The following PDLIM1 variants were observed in gnomAD, a reference collection of about 807,000 sequenced individuals.
The protein encoded by PDLIM1 is PDZ and LIM domain protein 1.
A neutral mutation model predicts 35.2 loss-of-function variants in PDLIM1; 25 were observed. That is an observed-to-expected ratio of 0.71 (90% CI 0.52 to 0.99). The LOEUF is 0.99. Ranked by LOEUF, PDLIM1 falls within the 50% of genes least tolerant of loss-of-function variation. The pLI is 0.00. For missense variants in PDLIM1, 363 were observed against 415.3 expected, an observed-to-expected ratio of 0.87 and a Z score of 1.09; for synonymous variants, 152 against 154.0, an observed-to-expected ratio of 0.99 and a Z score of 0.10.
At chr10:95,262,980 C>CA (rs1008741778) in intron 4 of PDLIM1, among the ~76,000 whole-genome samples, 1 of 151,274 alleles carries the variant, frequency 6.6e-6, no homozygotes, top group Non-Finnish European at 1.5e-5. Context: ...CCAATCTCTA[C>CA]AAAAAAAAGT....
chr10:95,281,925 C>G (rs779734180), intron 1 of PDLIM1, among the ~76,000 whole-genome samples: 2 of 148,516 alleles, frequency 1.3e-5, no homozygotes, highest in African/African-American at 5.2e-5. Flanking sequence ...CCTGGCACTT[C>G]TCTCTCTTTC....
intron 5 of PDLIM1, among the ~76,000 whole-genome samples, chr10:95,245,883 G>C (rs944351572): frequency 7.9e-5 from 12 of 152,166 alleles, no homozygotes; most frequent in African/African-American, 2.9e-4. Flanking sequence ...ATCAGAAAGG[G>C]CTCCCCAGGA....
chr10:95,242,450 A>G (rs2035186723), intron 5 of PDLIM1, among the ~76,000 whole-genome samples: 1 of 151,966 alleles, frequency 6.6e-6, no homozygotes, highest in Non-Finnish European at 1.5e-5. Flanking sequence ...ACTTTGGAAG[A>G]CCAAGGCGGG....
chr10:95,290,731 T>TCCGTCC lies in PDLIM1; in HGVS notation c.96+83_96+88dup. On this transcript the variant is annotated intron_variant, in intron 1 of 6. Coordinates refer to ENST00000329399, the MANE Select transcript of PDLIM1 (RefSeq NM_020992.4). The surrounding 1 kb of genome is among the most constrained non-coding windows in gnomAD (Gnocchi z 4.7). Reference sequence around the variant, plus strand: ...GGACGCGCCCGGCTGCGGTTCCGACTCCGTCCCCGACCGCGCCCGCGGGGC... The same window carrying TCCGTCC: ...GGACGCGCCCGGCTGCGGTTCCGACTCCGTCCCCGTCCCCGACCGCGCCCGCGGGGC... The TCCGTCC allele has an allele frequency of 1.2e-6, 1 of 841,896 alleles. No individual in the cohort carries two copies. Among genetic ancestry groups the TCCGTCC allele is most frequent in the Non-Finnish European group, 1.7e-6 (1 of 577,726 alleles). The allele number at this position is 841,896 out of a possible 1,614,324, so 52.2% of individuals were successfully genotyped here.
At chr10:95,254,724 C>G (rs2035295850) in intron 4 of PDLIM1, among the ~76,000 whole-genome samples, 2 of 152,044 alleles carry the variant, frequency 1.3e-5, no homozygotes, top group Admixed American at 6.6e-5. Context: ...CGAGACCAGC[C>G]TGGGAAACAT....
chr10:95,247,108 T>A, intron 5 of PDLIM1, 107 bp downstream of exon 5: 1 of 906,664 alleles, frequency 1.1e-6, no homozygotes, highest in Non-Finnish European at 1.7e-6. Context: ...TAAAAGCCCA[T>A]GCCCTCCAAA....
intron 1 of PDLIM1, among the ~76,000 whole-genome samples, chr10:95,287,867 G>A (rs1361479577): frequency 6.6e-6 from 1 of 151,602 alleles, no homozygotes; most frequent in African/African-American, 2.4e-5. Flanking sequence ...GAAATTTTAA[G>A]TTGATAACGA....
intron 4 of PDLIM1, among the ~76,000 whole-genome samples, chr10:95,255,889 T>TC (rs1261031673): frequency 1.2e-4 from 11 of 90,370 alleles, no homozygotes; most frequent in East Asian, 9.5e-4. Context: ...ACCCTAAAGA[T>TC]CCCCCCCCAC....
chr10:95,258,939 C>G (rs187991936), intron 4 of PDLIM1, among the ~76,000 whole-genome samples: 1 of 152,146 alleles, frequency 6.6e-6, no homozygotes. Context: ...AGTAGAAAAG[C>G]TAATCCCAGG....
chr10:95,244,277 T>C (rs1424280959), intron 5 of PDLIM1, among the ~76,000 whole-genome samples: 1 of 152,204 alleles, frequency 6.6e-6, no homozygotes, highest in East Asian at 1.9e-4. Flanking sequence ...TCAAGGTTTA[T>C]GACCAAATAC....
At position 95,238,015 on chromosome 10, in the gene PDLIM1, A is replaced by T; in HGVS notation, c.900T>A (p.Phe300Leu). ...TCTCACAGTAGATTTGATCCTCCAC[A>T]AAGAAATGGCCCTTCTGTTTCAGGT... ...GTNLKQKGHF[F>L]VEDQIYCEKH... Residue 300 changes from phenylalanine to leucine, a missense_variant, in exon 7 of 7, where the codon TTT becomes TTA. Physicochemically the swap from Phe to Leu is conservative, Grantham distance 22 (BLOSUM62 0). Transcript: ENST00000329399. 6.2e-7 allele frequency: 1 copy of T among 1,614,156 alleles called. No individual in the cohort carries two copies.
chr10:95,253,354 G>T (rs2035284037), intron 4 of PDLIM1, among the ~76,000 whole-genome samples: 1 of 152,068 alleles, frequency 6.6e-6, no homozygotes, highest in African/African-American at 2.4e-5. Context: ...CTCTAGCAAA[G>T]CTACCCTAAC....
chr10:95,263,200 G>C (rs1445632741), intron 4 of PDLIM1, among the ~76,000 whole-genome samples: 1 of 149,130 alleles, frequency 6.7e-6, no homozygotes, highest in South Asian at 2.1e-4. Flanking sequence ...TGTGACAGAA[G>C]AGGACATGCC....
At chr10:95,241,507 T>C (rs1037007311) in intron 5 of PDLIM1, among the ~76,000 whole-genome samples, 1 of 152,004 alleles carries the variant, frequency 6.6e-6, no homozygotes. Context: ...TGAAAGGGGA[T>C]GCCACTGGCG....
At chr10:95,276,409 C>A (rs1282123612) in intron 1 of PDLIM1, among the ~76,000 whole-genome samples, 1 of 152,186 alleles carries the variant, frequency 6.6e-6, no homozygotes, top group Non-Finnish European at 1.5e-5. Context: ...AGGACAGTCA[C>A]TCCCCTGCCC....
chr10:95,245,117 A>T (rs529645009), intron 5 of PDLIM1, among the ~76,000 whole-genome samples: 1 of 152,182 alleles, frequency 6.6e-6, no homozygotes, highest in Admixed American at 6.5e-5. Flanking sequence ...AACCATCCAG[A>T]CTAAGGGCTA....
intron 1 of PDLIM1, among the ~76,000 whole-genome samples, chr10:95,281,816 A>G (rs752150949): frequency 1.3e-5 from 2 of 152,186 alleles, no homozygotes; most frequent in Non-Finnish European, 2.9e-5. Context: ...AACTCCAAAC[A>G]AGATATCTAA....
At chr10:95,248,603 C>G (rs2035242564) in intron 4 of PDLIM1, among the ~76,000 whole-genome samples, 1 of 152,240 alleles carries the variant, frequency 6.6e-6, no homozygotes. Flanking sequence ...TCAATGTATT[C>G]TCATTTGACT....
At chr10:95,240,702 CAGAT>C (rs1430101433) in intron 5 of PDLIM1, among the ~76,000 whole-genome samples, 1 of 152,176 alleles carries the variant, frequency 6.6e-6, no homozygotes, top group Non-Finnish European at 1.5e-5. Flanking sequence ...ATCCACATCA[CAGAT>C]AGAACAAAAC....
Sources: gnomAD v4.1 joint callset for allele counts (sites outside exome capture counted in the v4.1 genomes callset) on GRCh38, gnomAD v4.1.1 for gene constraint, Gnocchi (gnomAD v3.1) non-coding constraint, MANE v1.5 for transcripts, NCBI Gene and HGNC (gene_info 2026-07-23, HGNC 2026-07-21) for gene names.